ARMH3: variants seen among roughly 807,000 people sequenced by gnomAD.
ARMH3 encodes armadillo like helical domain containing 3.
In ARMH3, 60 loss-of-function variants were observed where a neutral mutation model predicts 99.1. The observed-to-expected ratio is 0.61, with a 90% CI of 0.49 to 0.75. The LOEUF is 0.75. Ranked by LOEUF, ARMH3 falls within the 30% of genes least tolerant of loss-of-function variation. ARMH3 has a pLI of 0.00. For synonymous variants in ARMH3, 285 were observed against 292.8 expected (o/e 0.97, Z 0.27); for missense variants, 679 against 843.1 (o/e 0.81, Z 2.41).
chr10:101,978,996 T>C (rs1460480598), intron 19 of ARMH3, among the ~76,000 whole-genome samples: 1 of 151,748 alleles, frequency 6.6e-6, no homozygotes, highest in Non-Finnish European at 1.5e-5. Context: ...AATTTAAAAA[T>C]AGCTGGGTGC....
intron 1 of ARMH3, among the ~76,000 whole-genome samples, chr10:102,044,028 T>C (rs1220433316): frequency 6.6e-6 from 1 of 151,672 alleles, no homozygotes; most frequent in Non-Finnish European, 1.5e-5. Context: ...GTAATTCTTG[T>C]GCCTCAGCCT....
At chr10:102,020,629 T>A (rs1328356711) in intron 8 of ARMH3, among the ~76,000 whole-genome samples, 3 of 143,342 alleles carry the variant, frequency 2.1e-5, no homozygotes, top group African/African-American at 7.9e-5. Context: ...GAGCTTGCAG[T>A]GACCCGAGAT....
chr10:101,999,472 G>A (rs1329354886), intron 15 of ARMH3, among the ~76,000 whole-genome samples: 5 of 152,078 alleles, frequency 3.3e-5, no homozygotes, highest in African/African-American at 1.2e-4. Context: ...GATTACAGGT[G>A]TGAGCCACAG....
chr10:101,916,518 G>C (rs569436309), intron 23 of ARMH3, among the ~76,000 whole-genome samples: 11 of 152,206 alleles, frequency 7.2e-5, no homozygotes, highest in Non-Finnish European at 1.3e-4. Context: ...ACTATGGTCA[G>C]AAGTTGAATC....
At chr10:102,001,143 G>C (rs918783332) in intron 15 of ARMH3, among the ~76,000 whole-genome samples, 2 of 152,118 alleles carry the variant, frequency 1.3e-5, no homozygotes, top group African/African-American at 2.4e-5. Flanking sequence ...CAAAAATATG[G>C]AAGTAGGTAA....
At chr10:101,958,079 T>A (rs902999896) in intron 20 of ARMH3, among the ~76,000 whole-genome samples, 1 of 152,222 alleles carries the variant, frequency 6.6e-6, no homozygotes, top group African/African-American at 2.4e-5. Context: ...AATTTACAGG[T>A]GAAAATGAGG....
At chr10:101,882,158 T>C (rs1041274740) in intron 24 of ARMH3, among the ~76,000 whole-genome samples, 5 of 152,210 alleles carry the variant, frequency 3.3e-5, no homozygotes, top group African/African-American at 7.2e-5. Flanking sequence ...AATGCAAGAA[T>C]GGGCCAATAA....
chr10:101,955,518 T>C (rs549471094), intron 22 of ARMH3, among the ~76,000 whole-genome samples: 123 of 152,264 alleles, frequency 8.1e-4, no homozygotes, highest in Non-Finnish European at 1.5e-3. Flanking sequence ...AAAAATAAAG[T>C]ATACTAGAAA....
At chr10:102,046,424 G>A (rs1270419009) in intron 1 of ARMH3, among the ~76,000 whole-genome samples, 6 of 151,930 alleles carry the variant, frequency 3.9e-5, no homozygotes, top group East Asian at 3.9e-4. Flanking sequence ...AGGCCGAGGC[G>A]GGCAGATCAC....
At chr10:102,034,439 A>G (rs563789017) in intron 2 of ARMH3, among the ~76,000 whole-genome samples, 1 of 151,750 alleles carries the variant, frequency 6.6e-6, no homozygotes, top group Admixed American at 6.6e-5. Flanking sequence ...GATCGAGACC[A>G]TCCTGGCTAA....
rs1010633521 is a variant in ARMH3 at position 101,974,332 on chromosome 10, T to C, written c.1495+880A>G. Among the ~76,000 whole-genome samples the C allele has an allele frequency of 6.6e-5, 10 of 152,176 alleles. 1 individual carries two copies. Among genetic ancestry groups the C allele is most frequent in the Admixed American group, 5.9e-4 (9 of 15,276 alleles). On this transcript the variant is annotated intron_variant, in intron 20 of 25. Coordinates refer to ENST00000370033, the MANE Select transcript of ARMH3 (RefSeq NM_024541.3). ...GGCTGGGTTACTGGCCTGTTTCTTATAAAGGCTCTGACACTAACACACCCT... is the reference window on the plus strand; with the variant it reads ...GGCTGGGTTACTGGCCTGTTTCTTACAAAGGCTCTGACACTAACACACCCT...
At chr10:102,035,669 G>T (rs930508948) in intron 2 of ARMH3, among the ~76,000 whole-genome samples, 1 of 152,262 alleles carries the variant, frequency 6.6e-6, no homozygotes. Context: ...GCCTCCCGAG[G>T]TGCCGGGATT....
intron 23 of ARMH3, among the ~76,000 whole-genome samples, chr10:101,899,085 A>C (rs1038615105): frequency 1.3e-5 from 2 of 152,168 alleles, no homozygotes; most frequent in Non-Finnish European, 2.9e-5. Context: ...CCACTTATTA[A>C]CTGTGTGACT....
At chr10:101,884,391 A>C (rs1392752012) in intron 24 of ARMH3, among the ~76,000 whole-genome samples, 5 of 152,160 alleles carry the variant, frequency 3.3e-5, no homozygotes, top group Non-Finnish European at 7.4e-5. Context: ...AAAAAGCCAC[A>C]CTGGAGAGAG....
chr10:102,036,257 G>C (rs1036264044), intron 2 of ARMH3, among the ~76,000 whole-genome samples: 1 of 151,304 alleles, frequency 6.6e-6, no homozygotes, highest in Non-Finnish European at 1.5e-5. Flanking sequence ...GAGGGAGATG[G>C]GGGGGCACAT....
At chr10:102,036,286 G>A (rs1449400610) in intron 2 of ARMH3, among the ~76,000 whole-genome samples, 6 of 143,368 alleles carry the variant, frequency 4.2e-5, no homozygotes, top group African/African-American at 1.3e-4. Flanking sequence ...CCGCCGCCCC[G>A]TCCAGGAGGT....
intron 22 of ARMH3, among the ~76,000 whole-genome samples, chr10:101,944,269 TATATAGAGAGAGAGAGAGAGAGAG>T (rs1241901823): frequency 9.6e-4 from 43 of 44,910 alleles, no homozygotes; most frequent in East Asian, 1.7e-3. Flanking sequence ...TATATATATA[TATATAGAGAGAGAGAGAGAGAGAG>T]AGAGAGAGAG....
chr10:101,966,455 T>C lies in ARMH3; in HGVS notation c.1496-8723A>G, dbSNP rs1203033018. Among the ~76,000 whole-genome samples the C allele has an allele frequency of 3.9e-5, 6 of 151,954 alleles. No homozygotes were observed. In the East Asian group the frequency reaches 1.2e-3, roughly 29 times the overall value. On this transcript the variant is annotated intron_variant, in intron 20 of 25. Transcript: ENST00000370033. ...CCACGCCTGGCTAATTTTTGTATTT[T>C]TAGTAGAGACAGGGCTCCACCAGGC...
At chr10:102,044,091 C>CTT (rs778226635) in intron 1 of ARMH3, among the ~76,000 whole-genome samples, 27 of 104,156 alleles carry the variant, frequency 2.6e-4, no homozygotes, top group South Asian at 6.7e-4. Context: ...TAATTTTTTT[C>CTT]TTTTTTTTTT....
Sources: gnomAD v4.1 joint callset for allele counts (sites outside exome capture counted in the v4.1 genomes callset) on GRCh38, gnomAD v4.1.1 for gene constraint, MANE v1.5 for transcripts, NCBI Gene and HGNC (gene_info 2026-07-23, HGNC 2026-07-21) for gene names.